CNBD1: variants seen among roughly 807,000 people sequenced by gnomAD.
CNBD1 encodes the protein cyclic nucleotide-binding domain-containing protein 1.
CNBD1 carries 71 observed loss-of-function variants against 54.4 expected under a neutral mutation model. The ratio of observed to expected loss-of-function variants is 1.30; its 90% CI spans 1.08 to 1.59. The LOEUF (loss-of-function observed/expected upper bound fraction) is 1.59. Among genes scored for constraint, CNBD1 ranks in the 40% most tolerant of loss-of-function variants. The probability of loss-of-function intolerance (pLI) is 0.00; values close to 1 mark genes in which losing one functional copy is unlikely to be tolerated. For missense variants in CNBD1, 659 were observed against 518.0 expected (o/e 1.27, Z -2.64); for synonymous variants, 182 against 170.7 (o/e 1.07, Z -0.51).
At chr8:86,993,277 C>A (rs972929012) in intron 4 of CNBD1, among the ~76,000 whole-genome samples, 1 of 151,266 alleles carries the variant, frequency 6.6e-6, no homozygotes, top group Non-Finnish European at 1.5e-5. Flanking sequence ...ACATTATGAA[C>A]ATTTTTATTG....
chr8:87,247,277 A>G (rs764745671), intron 6 of CNBD1, among the ~76,000 whole-genome samples: 8 of 152,160 alleles, frequency 5.3e-5, no homozygotes, highest in Non-Finnish European at 1.0e-4. Context: ...TTGCAGATCC[A>G]TTCCTTCCCA....
intron 5 of CNBD1, among the ~76,000 whole-genome samples, chr8:87,232,834 A>G (rs752600949): frequency 6.6e-6 from 1 of 152,162 alleles, no homozygotes; most frequent in Non-Finnish European, 1.5e-5. Context: ...AAACTAAAAG[A>G]GAAGAGTCAT....
At chr8:87,391,289 T>C (rs13255866) in intron 2 of CNBD1, among the ~76,000 whole-genome samples, 60,548 of 151,718 alleles carry the variant, frequency 0.4, 12,311 homozygotes, top group Middle Eastern at 0.46. Context: ...TGCAGATACC[T>C]CAAATTGATG....
chr8:87,022,626 A>C (rs1322988072), intron 4 of CNBD1, among the ~76,000 whole-genome samples: 1 of 152,168 alleles, frequency 6.6e-6, no homozygotes. Flanking sequence ...AAATTTATTA[A>C]ATCTACAAAT....
intron 4 of CNBD1, among the ~76,000 whole-genome samples, chr8:87,047,629 A>G (rs1810223430): frequency 6.6e-6 from 1 of 152,180 alleles, no homozygotes; most frequent in African/African-American, 2.4e-5. Flanking sequence ...CTGCTTTTCC[A>G]CTCAGGAGGT....
At chr8:87,329,103 AG>A (rs1809756942) in intron 8 of CNBD1, among the ~76,000 whole-genome samples, 1 of 151,888 alleles carries the variant, frequency 6.6e-6, no homozygotes, top group African/African-American at 2.4e-5. Flanking sequence ...TTTTGTGAAA[AG>A]TATATGGTCT....
At chr8:87,151,034 G>A (rs547122274) in intron 4 of CNBD1, among the ~76,000 whole-genome samples, 19 of 152,190 alleles carry the variant, frequency 1.2e-4, no homozygotes, top group Admixed American at 2.6e-4. Flanking sequence ...GTAACTTTAA[G>A]GTTAATGCTG....
chr8:86,952,726 C>T (rs199988060), intron 4 of CNBD1, among the ~76,000 whole-genome samples: 2 of 151,840 alleles, frequency 1.3e-5, no homozygotes, highest in East Asian at 3.9e-4. Context: ...TGATATAAAC[C>T]ATTTGTGATA....
rs536559315 is a variant in CNBD1 at position 87,403,769 on chromosome 8, A to G, written c.214-24777A>G. ...AGTAAATCAGTAAACAACTTGACCAAAATTTCAAGATGTGTTTTTTATATG... is the reference window on the plus strand; with the variant it reads ...AGTAAATCAGTAAACAACTTGACCAGAATTTCAAGATGTGTTTTTTATATG... On this transcript the variant is annotated intron_variant, in intron 2 of 7. Coordinates refer to the CNBD1 transcript ENST00000521593. Among the ~76,000 whole-genome samples the G allele has an allele frequency of 7.0e-4, 107 of 152,092 alleles. 1 individual carries two copies. The highest frequency in any genetic ancestry group is 2.5e-3 in the African/African-American group (105 of 41,526).
chr8:87,331,190 A>G (rs532097777), intron 8 of CNBD1, among the ~76,000 whole-genome samples: 3 of 152,204 alleles, frequency 2.0e-5, no homozygotes, highest in African/African-American at 4.8e-5. Flanking sequence ...TGCATTAGCT[A>G]TCTGTCCTGA....
downstream of CNBD1, among the ~76,000 whole-genome samples, chr8:87,386,488 T>A (rs563512478): frequency 3.8e-3 from 584 of 152,308 alleles, 8 homozygotes; most frequent in African/African-American, 0.013. Context: ...AGTAGCCAAT[T>A]CGATCAACTG....
chr8:87,260,307 G>C (rs1247337174), intron 6 of CNBD1, among the ~76,000 whole-genome samples: 1 of 152,156 alleles, frequency 6.6e-6, no homozygotes, highest in African/African-American at 2.4e-5. Context: ...CATAAAACAA[G>C]ATGGAGACCT....
At chr8:87,275,637 G>A (rs968586724) in intron 6 of CNBD1, among the ~76,000 whole-genome samples, 2 of 151,550 alleles carry the variant, frequency 1.3e-5, no homozygotes, top group Non-Finnish European at 2.9e-5. Flanking sequence ...GCAAAAACTG[G>A]AAGCATTCCC....
chr8:87,162,927 C>A (rs1252415441), intron 4 of CNBD1, among the ~76,000 whole-genome samples: 1 of 151,984 alleles, frequency 6.6e-6, no homozygotes, highest in Non-Finnish European at 1.5e-5. Flanking sequence ...GATTAGGTCC[C>A]CTTATAAAAA....
At chr8:87,310,142 C>T (rs1415323211) in intron 8 of CNBD1, among the ~76,000 whole-genome samples, 1 of 152,014 alleles carries the variant, frequency 6.6e-6, no homozygotes, top group Non-Finnish European at 1.5e-5. Flanking sequence ...ATCACTTGAG[C>T]CCAGGAGTGT....
chr8:87,131,976 T>C (rs1812126323), intron 4 of CNBD1, among the ~76,000 whole-genome samples: 2 of 152,058 alleles, frequency 1.3e-5, no homozygotes, highest in East Asian at 1.9e-4. Flanking sequence ...TCTTGTAGGA[T>C]ATTTTCACTG....
chr8:87,155,509 G>T (rs1424790616), intron 4 of CNBD1, among the ~76,000 whole-genome samples: 1 of 152,196 alleles, frequency 6.6e-6, no homozygotes, highest in Admixed American at 6.5e-5. Context: ...GATGAATATG[G>T]AATACACATA....
intron 2 of CNBD1, among the ~76,000 whole-genome samples, chr8:86,889,654 TA>T: frequency 6.6e-6 from 1 of 152,198 alleles, no homozygotes; most frequent in East Asian, 1.9e-4. Context: ...GAAGATAAAA[TA>T]AAAAATTAAT....
At chr8:87,021,680 A>T (rs921410268) in intron 4 of CNBD1, among the ~76,000 whole-genome samples, 1 of 152,222 alleles carries the variant, frequency 6.6e-6, no homozygotes, top group African/African-American at 2.4e-5. Flanking sequence ...TAGAGGCCAG[A>T]TGCTGTTTTA....
Sources: gnomAD v4.1 joint callset for allele counts (sites outside exome capture counted in the v4.1 genomes callset) on GRCh38, gnomAD v4.1.1 for gene constraint, MANE v1.5 for transcripts, NCBI Gene and HGNC (gene_info 2026-07-23, HGNC 2026-07-21) for gene names.